The following TENM3 variants were observed in gnomAD, a reference collection of about 807,000 sequenced individuals.
TENM3 encodes the protein teneurin transmembrane protein 3, also known as teneurin-3.
In TENM3, 63 loss-of-function variants were observed where a neutral mutation model predicts 255.1. That is an observed-to-expected ratio of 0.25 (90% CI 0.20 to 0.30). TENM3 has a LOEUF of 0.30. TENM3 is among the 10% of genes least tolerant of loss of function. TENM3 has a pLI of 1.00. For missense variants in TENM3, 2,929 were observed against 3,461.1 expected, an observed-to-expected ratio of 0.85 and a Z score of 3.86; for synonymous variants, 1,306 against 1,322.3, an observed-to-expected ratio of 0.99 and a Z score of 0.27.
At chr4:182,448,331 G>A (rs943425057) in intron 3 of TENM3, among the ~76,000 whole-genome samples, 1 of 152,184 alleles carries the variant, frequency 6.6e-6, no homozygotes, top group African/African-American at 2.4e-5. Context: ...CCACCCCTTC[G>A]CTGCGGACGC....
the TENM3 span, among the ~76,000 whole-genome samples, chr4:181,470,312 C>T: frequency 1.3e-5 from 2 of 151,916 alleles, no homozygotes; most frequent in East Asian, 3.9e-4. Flanking sequence ...TACATTTAAG[C>T]TTCTTTTGAA....
intron 12 of TENM3, among the ~76,000 whole-genome samples, chr4:182,704,601 A>G (rs917075251): frequency 1.3e-5 from 2 of 152,216 alleles, no homozygotes; most frequent in African/African-American, 4.8e-5. Flanking sequence ...TGGTATAAAT[A>G]CCGTTCCAAG....
the TENM3 span, among the ~76,000 whole-genome samples, chr4:181,669,688 C>A: frequency 6.6e-6 from 1 of 152,260 alleles, no homozygotes; most frequent in South Asian, 2.1e-4. Flanking sequence ...GCTTCTCTGC[C>A]CCCTTTCTAA....
chr4:182,571,472 G>C (rs1744360790), intron 3 of TENM3, among the ~76,000 whole-genome samples: 2 of 152,210 alleles, frequency 1.3e-5, no homozygotes, highest in Non-Finnish European at 2.9e-5. Context: ...GTTTCAGTGA[G>C]CCAAGATGGC....
In TENM3 at chr4:182,278,259, C is replaced by T. The variant is rs770511580; in HGVS notation, c.-76+34783C>T. ...GCGCATGCCTGTAATCCCAGCTACT[C>T]GGGAGGCTGAGGCAGGAGAATAGAT... On this transcript the variant is annotated intron_variant, in intron 1 of 27. Transcript: ENST00000511685. Among the ~76,000 whole-genome samples, 4 of 151,822 alleles carry T rather than the reference C, an allele frequency of 2.6e-5. No individual in the cohort carries two copies. In the East Asian group the frequency reaches 5.8e-4, roughly 22 times the overall value.
the TENM3 span, among the ~76,000 whole-genome samples, chr4:181,712,834 C>T: frequency 5.3e-5 from 8 of 152,082 alleles, no homozygotes; most frequent in African/African-American, 1.4e-4. Context: ...AATGATTTAT[C>T]AAGTAACAGA....
intron 3 of TENM3, among the ~76,000 whole-genome samples, chr4:182,470,244 G>A (rs1732986104): frequency 6.6e-6 from 1 of 152,184 alleles, no homozygotes; most frequent in Admixed American, 6.5e-5. Context: ...AAAAACTATA[G>A]TAAACAGAGA....
At chr4:181,700,974 A>G in the TENM3 span, among the ~76,000 whole-genome samples, 2 of 152,350 alleles carry the variant, frequency 1.3e-5, no homozygotes, top group African/African-American at 4.8e-5. Flanking sequence ...ACACACTTCA[A>G]TAGAAAATAG....
the TENM3 span, among the ~76,000 whole-genome samples, chr4:181,773,640 A>G: frequency 1.3e-5 from 2 of 152,132 alleles, no homozygotes; most frequent in Admixed American, 6.5e-5. Flanking sequence ...AGTGATTCCT[A>G]CTTCACTGTG....
At chr4:182,385,796 T>C (rs529724008) in intron 3 of TENM3, among the ~76,000 whole-genome samples, 1 of 152,352 alleles carries the variant, frequency 6.6e-6, no homozygotes, top group Admixed American at 6.5e-5. Flanking sequence ...AAACTACTGG[T>C]AGATGACAGA....
intron 3 of TENM3, among the ~76,000 whole-genome samples, chr4:182,508,795 G>GCT (rs1193887999): frequency 6.6e-6 from 1 of 152,170 alleles, no homozygotes. Context: ...AAGCTTTCCA[G>GCT]CTTCCTACCT....
intron 24 of TENM3, among the ~76,000 whole-genome samples, chr4:182,777,075 A>G (rs1316007414): frequency 6.6e-6 from 1 of 152,072 alleles, no homozygotes; most frequent in East Asian, 1.9e-4. Context: ...TGGTTTAAGG[A>G]CTGAGCCTGG....
At chr4:182,527,272 G>A (rs543289513) in intron 3 of TENM3, among the ~76,000 whole-genome samples, 1 of 152,176 alleles carries the variant, frequency 6.6e-6, no homozygotes, top group African/African-American at 2.4e-5. Context: ...TTCTGAAATT[G>A]GGATGTATTT....
chr4:181,756,642 A>T, the TENM3 span, among the ~76,000 whole-genome samples: 1 of 152,224 alleles, frequency 6.6e-6, no homozygotes, highest in Non-Finnish European at 1.5e-5. Context: ...CTCCGATGGC[A>T]GTTTGCTGTG....
the TENM3 span, among the ~76,000 whole-genome samples, chr4:181,494,346 G>A: frequency 9.2e-5 from 14 of 152,216 alleles, no homozygotes; most frequent in East Asian, 9.7e-4. Flanking sequence ...GTGCAATGGC[G>A]CAATCTTAGC....
rs1466488860 is a variant in TENM3, at chr4:182,688,302, T to C, written c.2172T>C (p.Asp724=). 5.0e-6 allele frequency: 8 copies of C among 1,613,888 alleles called. No individual in the cohort carries two copies. Among genetic ancestry groups the C allele is most frequent in the Non-Finnish European group, 5.9e-6 (7 of 1,179,854 alleles). Residue 724 remains aspartate (D), a synonymous_variant, in exon 12 of 28, where the codon GAT becomes GAC. Coordinates refer to ENST00000511685, the MANE Select transcript of TENM3 (RefSeq NM_001080477.4). The part of the protein sequence containing the change: ...PRCAEHGTCK[D]GKCECSQGWN... The stretch of plus-strand genomic sequence containing the variant: ...GTGCCGAGCACGGGACCTGCAAGGA[T>C]GGCAAGTGTGAATGCAGCCAGGGCT...
chr4:181,519,427 A>AAGT, the TENM3 span, among the ~76,000 whole-genome samples: 2,910 of 152,264 alleles, frequency 0.019, 88 homozygotes, highest in African/African-American at 0.065. Context: ...TTGACACTAA[A>AAGT]AGTCTTTTTT....
the TENM3 span, among the ~76,000 whole-genome samples, chr4:182,106,828 T>C: frequency 1.5e-3 from 224 of 152,232 alleles, no homozygotes; most frequent in African/African-American, 5.1e-3. Context: ...TGGCCTACCA[T>C]GTGCAGAAAT....
At chr4:182,483,186 G>T (rs1734365317) in intron 3 of TENM3, among the ~76,000 whole-genome samples, 1 of 152,112 alleles carries the variant, frequency 6.6e-6, no homozygotes, top group Non-Finnish European at 1.5e-5. Flanking sequence ...CTAGTGCTGA[G>T]ATTTTTAGCT....
Sources: allele counts gnomAD v4.1 joint callset (sites outside exome capture counted in the v4.1 genomes callset), GRCh38; gene constraint gnomAD v4.1.1; transcripts MANE v1.5; gene names NCBI Gene and HGNC (gene_info 2026-07-23, HGNC 2026-07-21).